ELAPOR1: variants seen among roughly 807,000 people sequenced by gnomAD.
ELAPOR1 encodes endosome/lysosome-associated apoptosis and autophagy regulator 1.
A neutral mutation model predicts 119.7 loss-of-function variants in ELAPOR1; 77 were observed. The observed-to-expected ratio is 0.64, with a 90% confidence interval of 0.54 to 0.78. The LOEUF (loss-of-function observed/expected upper bound fraction) is 0.78. ELAPOR1 is among the 30% of genes least tolerant of loss of function. The pLI is 0.00. For synonymous variants in ELAPOR1, 481 were observed against 487.2 expected (o/e 0.99, Z 0.17); for missense variants, 1,115 against 1,270.4 (o/e 0.88, Z 1.86).
intron 1 of ELAPOR1, among the ~76,000 whole-genome samples, chr1:109,115,414 A>G (rs920775187): frequency 5.3e-5 from 8 of 152,156 alleles, no homozygotes; most frequent in African/African-American, 1.9e-4. Context: ...AGGTTAGAAT[A>G]TATATATAGA....
intron 8 of ELAPOR1, chr1:109,187,874 G>A: frequency 1.8e-6 from 2 of 1,090,406 alleles, no homozygotes; most frequent in South Asian, 8.7e-5. Context: ...ATTCTACAGT[G>A]GAATCGGAGC....
At chr1:109,167,737 G>A (rs955279642) in intron 3 of ELAPOR1, among the ~76,000 whole-genome samples, 9 of 152,026 alleles carry the variant, frequency 5.9e-5, no homozygotes, top group East Asian at 1.9e-4. Context: ...AACCTCCCGC[G>A]TAGCTGGGAC....
chr1:109,144,061 A>ATATATATAT lies in ELAPOR1; in HGVS notation c.154-17832_154-17831insATATATATT. ...TATATATATATATATATATTTATAT[A>ATATATATAT]TTTTTTTTTTTTTTTGAGATGGAGT... On this transcript the variant is annotated intron_variant, in intron 1 of 21. Transcript: ENST00000369939. Among the ~76,000 whole-genome samples the ATATATATAT allele has an allele frequency of 1.1e-3, 102 of 88,960 alleles. 3 individuals are homozygous for ATATATATAT. Among genetic ancestry groups the ATATATATAT allele is most frequent in the South Asian group, 3.5e-3 (10 of 2,836 alleles). The allele number at this position is 88,960 out of a possible 152,430, so 58.4% of individuals were successfully genotyped here. A position where few individuals can be genotyped will look rare whatever the true frequency, so the allele number is the denominator to read the frequency against.
At chr1:109,198,511 G>T in intron 17 of ELAPOR1, 62 bp from the exon 18 acceptor site, 1 of 1,432,142 alleles carries the variant, frequency 7.0e-7, no homozygotes, top group Non-Finnish European at 9.7e-7. Context: ...ATTTCTCTTG[G>T]TGGCTGTCCA....
intron 1 of ELAPOR1, among the ~76,000 whole-genome samples, chr1:109,149,448 T>C (rs1650392223): frequency 6.6e-6 from 1 of 152,150 alleles, no homozygotes; most frequent in Non-Finnish European, 1.5e-5. Flanking sequence ...TCCCTGTTTA[T>C]AGACAAGGGA....
chr1:109,115,513 C>T (rs897428608), intron 1 of ELAPOR1, among the ~76,000 whole-genome samples: 1 of 152,146 alleles, frequency 6.6e-6, no homozygotes, highest in Non-Finnish European at 1.5e-5. Flanking sequence ...CTCCTGGGCT[C>T]AAGCGACTTC....
chr1:109,148,835 C>T (rs1052619452), intron 1 of ELAPOR1, among the ~76,000 whole-genome samples: 1 of 152,208 alleles, frequency 6.6e-6, no homozygotes, highest in South Asian at 2.1e-4. Context: ...AATATAACTT[C>T]ATAAAGCCCT....
chr1:109,146,227 A>G (rs967339370), intron 1 of ELAPOR1, among the ~76,000 whole-genome samples: 3 of 152,080 alleles, frequency 2.0e-5, no homozygotes, highest in Non-Finnish European at 4.4e-5. Context: ...GGCTGAGATG[A>G]AGAATCACCT....
At chr1:109,194,338 G>C (rs928458066) in intron 14 of ELAPOR1, 83 bp from the exon 15 acceptor site, 5 of 1,298,658 alleles carry the variant, frequency 3.9e-6, no homozygotes, top group African/African-American at 1.4e-5. Context: ...GGGACCAGAC[G>C]GGGGAGAAAA....
chr1:109,183,613 C>A (rs1306361558), intron 7 of ELAPOR1, among the ~76,000 whole-genome samples: 1 of 129,224 alleles, frequency 7.7e-6, no homozygotes, highest in African/African-American at 2.9e-5. Context: ...TCCTTCCATC[C>A]TTCCCTCCTT....
chr1:109,160,483 ATAGATGT>A (rs1355851022), intron 1 of ELAPOR1, among the ~76,000 whole-genome samples: 1 of 152,140 alleles, frequency 6.6e-6, no homozygotes, highest in African/African-American at 2.4e-5. Context: ...TCTTGATTTC[ATAGATGT>A]TAGATGTGGA....
intron 3 of ELAPOR1, among the ~76,000 whole-genome samples, chr1:109,165,211 G>C (rs1164020654): frequency 6.6e-6 from 1 of 152,104 alleles, no homozygotes; most frequent in East Asian, 1.9e-4. Flanking sequence ...AGGATAACTT[G>C]AGCCTAGGAG....
intron 1 of ELAPOR1, among the ~76,000 whole-genome samples, chr1:109,155,175 T>TTA (rs1008083098): frequency 1.6e-4 from 25 of 151,924 alleles, no homozygotes; most frequent in Middle Eastern, 3.4e-3. Flanking sequence ...GTGAACATCA[T>TTA]TATATATATA....
chr1:109,130,569 A>G (rs1036270530), intron 1 of ELAPOR1, among the ~76,000 whole-genome samples: 1 of 151,886 alleles, frequency 6.6e-6, no homozygotes, highest in Admixed American at 6.6e-5. Context: ...CTGGTCTCCA[A>G]CTCTTGAGCT....
At chr1:109,173,392 G>A (rs1038698618) in intron 5 of ELAPOR1, 82 bp from the exon 6 acceptor site, 2 of 1,132,126 alleles carry the variant, frequency 1.8e-6, no homozygotes, top group African/African-American at 3.1e-5. Flanking sequence ...AGTAAGAGAA[G>A]TCATCCCAAC....
chr1:109,179,779 G>A (rs1486563296), intron 7 of ELAPOR1, among the ~76,000 whole-genome samples: 3 of 152,010 alleles, frequency 2.0e-5, no homozygotes, highest in African/African-American at 4.8e-5. Flanking sequence ...GGTGGCACAC[G>A]CCTGTAATCC....
chr1:109,163,345 G>A (rs1402846385), intron 2 of ELAPOR1, among the ~76,000 whole-genome samples: 4 of 152,094 alleles, frequency 2.6e-5, no homozygotes, highest in African/African-American at 9.7e-5. Context: ...GAACCAAAAG[G>A]GAGTGCCTGT....
chr1:109,182,739 C>T (rs984254764), intron 7 of ELAPOR1, among the ~76,000 whole-genome samples: 2 of 151,864 alleles, frequency 1.3e-5, no homozygotes, highest in Non-Finnish European at 2.9e-5. Context: ...TGGTGGCGGG[C>T]GCCTGTAGTC....
At chr1:109,152,516 G>A (rs1196400587) in intron 1 of ELAPOR1, among the ~76,000 whole-genome samples, 1 of 152,108 alleles carries the variant, frequency 6.6e-6, no homozygotes, top group East Asian at 1.9e-4. Context: ...AGGTAGGGAA[G>A]TTGTTCCCTT....
Sources: allele counts gnomAD v4.1 joint callset (sites outside exome capture counted in the v4.1 genomes callset), GRCh38; gene constraint gnomAD v4.1.1; transcripts MANE v1.5; gene names NCBI Gene and HGNC (gene_info 2026-07-23, HGNC 2026-07-21).